MEIKIN: variants seen among roughly 807,000 people sequenced by gnomAD.
MEIKIN encodes meiotic kinetochore factor, also known as meiosis-specific kinetochore protein.
intron 11 of MEIKIN, among the ~76,000 whole-genome samples, chr5:131,819,228 A>G (rs1421889980): frequency 6.6e-6 from 1 of 152,030 alleles, no homozygotes; most frequent in Non-Finnish European, 1.5e-5. Context: ...TTTAAATTTA[A>G]CTGAGTTAAA....
At chr5:131,890,673 G>A (rs1193218784) in intron 8 of MEIKIN, among the ~76,000 whole-genome samples, 1 of 152,044 alleles carries the variant, frequency 6.6e-6, no homozygotes, top group African/African-American at 2.4e-5. Context: ...ACCAGCTCCT[G>A]GATTCATTGA....
chr5:131,849,023 T>TA (rs540111496), intron 11 of MEIKIN, among the ~76,000 whole-genome samples: 78 of 152,290 alleles, frequency 5.1e-4, no homozygotes, highest in Middle Eastern at 3.4e-3. Flanking sequence ...CATTTTGTGA[T>TA]AAAAACAATA....
chr5:131,883,465 T>C (rs137987300), intron 8 of MEIKIN, among the ~76,000 whole-genome samples: 113 of 152,376 alleles, frequency 7.4e-4, no homozygotes, highest in South Asian at 6.2e-3. Flanking sequence ...TGTTTATCTC[T>C]ATTACTAGAC....
chr5:131,942,342 A>T (rs114536713), intron 4 of MEIKIN, among the ~76,000 whole-genome samples: 30 of 152,312 alleles, frequency 2.0e-4, no homozygotes, highest in Non-Finnish European at 4.4e-5. Flanking sequence ...TCTCCTTCAG[A>T]TCTTAATTCA....
intron 8 of MEIKIN, among the ~76,000 whole-genome samples, chr5:131,879,826 T>A (rs1264638522): frequency 6.6e-6 from 1 of 152,220 alleles, no homozygotes; most frequent in Non-Finnish European, 1.5e-5. Flanking sequence ...TCCCTTTTCC[T>A]CTCTCTGGAC....
intron 5 of MEIKIN, among the ~76,000 whole-genome samples, chr5:131,925,334 T>TA (rs1309184450): frequency 6.6e-6 from 1 of 152,232 alleles, no homozygotes; most frequent in African/African-American, 2.4e-5. Context: ...GAGATTTTGA[T>TA]AGAGATTGCA....
chr5:131,851,706 C>T (rs902635904), intron 10 of MEIKIN, among the ~76,000 whole-genome samples: 3 of 152,204 alleles, frequency 2.0e-5, no homozygotes, highest in Non-Finnish European at 4.4e-5. Context: ...GAACTCTCTC[C>T]TAAGTGCCAT....
chr5:131,812,130 T>A (rs898474480), intron 12 of MEIKIN, among the ~76,000 whole-genome samples: 7 of 152,226 alleles, frequency 4.6e-5, no homozygotes, highest in Admixed American at 2.6e-4. Flanking sequence ...TTTTATACTG[T>A]ATGTAGATAA....
chr5:131,820,399 T>C (rs1053386920), intron 11 of MEIKIN, among the ~76,000 whole-genome samples: 1 of 152,206 alleles, frequency 6.6e-6, no homozygotes, highest in African/African-American at 2.4e-5. Context: ...TAAATGATCT[T>C]TCAAATGTAT....
rs534309479 is a variant in MEIKIN, at chr5:131,919,477, A to G, written c.598+2345T>C. On this transcript the variant is annotated intron_variant, in intron 6 of 12. Coordinates refer to ENST00000442687, the MANE Select transcript of MEIKIN (RefSeq NM_001303622.2). ...GTGGCAAAATACTGGGGAAAAACCT[A>G]AATACCCAATTTATAGGTATTTTTG... Among the ~76,000 whole-genome samples the G allele has an allele frequency of 3.9e-4, 60 of 152,228 alleles. 1 individual carries two copies. The highest frequency in any genetic ancestry group is 1.5e-3 in the Admixed American group (23 of 15,278).
chr5:131,892,160 A>G (rs1025359359), intron 8 of MEIKIN, among the ~76,000 whole-genome samples: 13 of 151,858 alleles, frequency 8.6e-5, no homozygotes, highest in Admixed American at 2.6e-4. Flanking sequence ...TTTTTCCTTC[A>G]TTTCAACTTT....
chr5:131,836,751 T>C (rs1222164219), intron 11 of MEIKIN, among the ~76,000 whole-genome samples: 2 of 152,058 alleles, frequency 1.3e-5, no homozygotes, highest in Non-Finnish European at 2.9e-5. Context: ...TTTTTTTTTT[T>C]TCTTGTAAAT....
chr5:131,853,752 G>A (rs1430853879), intron 10 of MEIKIN, among the ~76,000 whole-genome samples: 1 of 152,118 alleles, frequency 6.6e-6, no homozygotes, highest in Non-Finnish European at 1.5e-5. Flanking sequence ...AAGATGCTCA[G>A]TGTCATCCTT....
chr5:131,902,788 T>C (rs1751181247), intron 8 of MEIKIN, among the ~76,000 whole-genome samples: 2 of 152,160 alleles, frequency 1.3e-5, no homozygotes, highest in South Asian at 2.1e-4. Flanking sequence ...CCAGCAATGA[T>C]TGTTAACCAT....
At chr5:131,859,700 T>C (rs545730717) in intron 9 of MEIKIN, among the ~76,000 whole-genome samples, 57 of 152,302 alleles carry the variant, frequency 3.7e-4, no homozygotes, top group African/African-American at 1.0e-3. Flanking sequence ...TTAGGTATTT[T>C]TTTAAATCAC....
At chr5:131,873,343 G>A (rs1053458878) in intron 9 of MEIKIN, among the ~76,000 whole-genome samples, 10 of 150,480 alleles carry the variant, frequency 6.6e-5, no homozygotes, top group East Asian at 3.9e-4. Context: ...GGCAGGGGTT[G>A]TAATCCTAGT....
chr5:131,849,223 G>T (rs1750068536), intron 11 of MEIKIN, among the ~76,000 whole-genome samples: 1 of 152,030 alleles, frequency 6.6e-6, no homozygotes. Flanking sequence ...CCATGCCCTT[G>T]TTGCTGTTCT....
intron 11 of MEIKIN, among the ~76,000 whole-genome samples, chr5:131,827,656 TACACCAGAAAAGCATA>T (rs1240610798): frequency 6.6e-6 from 1 of 152,056 alleles, no homozygotes; most frequent in Non-Finnish European, 1.5e-5. Flanking sequence ...ACAGGTTCAG[TACACCAGAAAAGCATA>T]ACAATCATAA....
chr5:131,851,264 CT>C lies in MEIKIN; in HGVS notation c.974del (p.Glu325GlyfsTer22). ...TTGAAGGAAAAATGGAAAATACTAC[CT>C]CATTTGAAGAATTTTCCTGCAAACT... ...VSSLQENSSN[E>X]FPANASEICC... On this transcript the variant is annotated frameshift_variant and splice_region_variant, in exon 11 of 13. Transcript: ENST00000442687. LOFTEE classifies it high-confidence loss of function. The C allele has an allele frequency of 2.5e-6, 1 of 397,914 alleles. No individual in the cohort carries two copies. The highest frequency in any genetic ancestry group is 4.4e-6 in the Non-Finnish European group (1 of 225,354). 24.6% of individuals were successfully genotyped at this position (397,914 alleles called of 1,614,324 possible).
Sources: gnomAD v4.1 joint callset for allele counts (sites outside exome capture counted in the v4.1 genomes callset) on GRCh38, gnomAD v4.1.1 for gene constraint, MANE v1.5 for transcripts, NCBI Gene and HGNC (gene_info 2026-07-23, HGNC 2026-07-21) for gene names.